The following NTM variants were observed in gnomAD, a reference collection of about 807,000 sequenced individuals.
NTM encodes neurotrimin, also known as IgLON family member 2.
In NTM, 13 loss-of-function variants were observed where a neutral mutation model predicts 42.1. The observed-to-expected ratio is 0.31, with a 90% CI of 0.20 to 0.49. NTM has a LOEUF of 0.49. NTM is among the 20% of genes least tolerant of loss of function. The pLI is 0.99. For missense variants in NTM, 373 were observed against 452.8 expected, an observed-to-expected ratio of 0.82 and a Z score of 1.60; for synonymous variants, 187 against 179.2, an observed-to-expected ratio of 1.04 and a Z score of -0.35.
intron 1 of NTM, among the ~76,000 whole-genome samples, chr11:131,873,640 T>TATATATATACACACATATATATACAC (rs1565658157): frequency 1.6e-4 from 20 of 121,412 alleles, no homozygotes; most frequent in African/African-American, 6.3e-4. Context: ...TATATACACA[T>TATATATATACACACATATATATACAC]ATATATATAC....
chr11:131,789,479 A>T lies in NTM; in HGVS notation c.83-122085A>T, dbSNP rs1326092471. ...GAAGAAGAAGAAGAAGAAGAAGAAGAAGAAGAAGAAGAGGAAAGAAGAAGA... is the reference window on the plus strand; with the variant it reads ...GAAGAAGAAGAAGAAGAAGAAGAAGTAGAAGAAGAAGAGGAAAGAAGAAGA... On this transcript the variant is annotated intron_variant, in intron 1 of 8. Transcript: ENST00000683400. Among the ~76,000 whole-genome samples the T allele has an allele frequency of 1.7e-4, 2 of 12,032 alleles. 1 individual carries two copies. Among genetic ancestry groups the T allele is most frequent in the African/African-American group, 6.1e-4 (2 of 3,298 alleles). The allele number at this position is 12,032 out of a possible 152,430, so 7.9% of individuals were successfully genotyped here. A position where few individuals can be genotyped will look rare whatever the true frequency, so the allele number is the denominator to read the frequency against.
chr11:132,104,609 G>GTAA (rs147673814), intron 2 of NTM, among the ~76,000 whole-genome samples: 99,466 of 145,924 alleles, frequency 0.68, 34,460 homozygotes, highest in Middle Eastern at 0.75. Context: ...ATAACTAATA[G>GTAA]TAATAATCAT....
chr11:132,114,390 G>A (rs373568579), intron 2 of NTM, among the ~76,000 whole-genome samples: 1 of 152,170 alleles, frequency 6.6e-6, no homozygotes, highest in East Asian at 1.9e-4. Flanking sequence ...CCACGAGAGG[G>A]CAATGCAGGG....
intron 2 of NTM, among the ~76,000 whole-genome samples, chr11:131,963,616 T>G (rs548062217): frequency 6.6e-6 from 1 of 152,212 alleles, no homozygotes; most frequent in African/African-American, 2.4e-5. Context: ...TCTACTCCTA[T>G]GTTGAGAGCA....
intron 8 of NTM, 60 bp from the exon 9 acceptor site, chr11:132,334,986 C>A: frequency 6.3e-7 from 1 of 1,585,982 alleles, no homozygotes; most frequent in Non-Finnish European, 8.6e-7. Flanking sequence ...ACCAGGCAAC[C>A]ACCGGGCTTT....
chr11:131,393,460 A>G lies in NTM; in HGVS notation c.82+22572A>G, dbSNP rs111576149. Among the ~76,000 whole-genome samples the G allele has an allele frequency of 7.8e-3, 1,184 of 152,306 alleles. 15 individuals carry two copies. Among genetic ancestry groups the G allele is most frequent in the African/African-American group, 0.027 (1,127 of 41,570 alleles). ...CCAGGATTGCCACCTAGGCCTGGAT[A>G]AAGATGACTTGCAGAAGCCACACGA... On this transcript the variant is annotated intron_variant, in intron 1 of 8. Transcript: ENST00000683400.
chr11:131,555,149 G>A (rs2055233642), intron 1 of NTM, among the ~76,000 whole-genome samples: 2 of 152,248 alleles, frequency 1.3e-5, no homozygotes, highest in African/African-American at 2.4e-5. Context: ...GCAGTGGAGT[G>A]AGACCCAGTC....
intron 1 of NTM, among the ~76,000 whole-genome samples, chr11:131,789,637 AAG>A (rs1294820891): frequency 2.5e-4 from 6 of 24,396 alleles, no homozygotes; most frequent in Admixed American, 1.1e-3. Flanking sequence ...AGAAGAAGAA[AAG>A]AAGAAGAAGA....
At chr11:131,905,172 C>A (rs931391305) in intron 1 of NTM, among the ~76,000 whole-genome samples, 3 of 152,166 alleles carry the variant, frequency 2.0e-5, no homozygotes, top group Non-Finnish European at 4.4e-5. Flanking sequence ...GCAGTAGGTA[C>A]CATGAGGACC....
At chr11:131,826,253 C>T (rs1565600221) in intron 1 of NTM, among the ~76,000 whole-genome samples, 1 of 151,986 alleles carries the variant, frequency 6.6e-6, no homozygotes, top group Non-Finnish European at 1.5e-5. Context: ...GAGTTGCCCA[C>T]TAGATTCCAT....
At chr11:132,321,850 C>A in intron 7 of NTM, among the ~76,000 whole-genome samples, 3 of 147,874 alleles carry the variant, frequency 2.0e-5, no homozygotes, top group African/African-American at 5.1e-5. Flanking sequence ...CCCTACAAGC[C>A]AGAAGAGAGT....
intron 2 of NTM, among the ~76,000 whole-genome samples, chr11:132,001,460 T>C (rs1367974354): frequency 2.0e-5 from 3 of 152,190 alleles, no homozygotes; most frequent in Non-Finnish European, 4.4e-5. Context: ...CTTCAGGCTG[T>C]ACAGGAAGCA....
Position 131,842,341 on chromosome 11 carries a change from A to G in NTM, c.83-69223A>G, listed in dbSNP as rs982511716. On this transcript the variant is annotated intron_variant, in intron 1 of 8. Transcript: ENST00000683400. ...GGTCTGAATGAGCTCCTATTAAAACATTTTGAGTTTACAGTGTTTGTGTTG... is the reference window on the plus strand; with the variant it reads ...GGTCTGAATGAGCTCCTATTAAAACGTTTTGAGTTTACAGTGTTTGTGTTG... Among the ~76,000 whole-genome samples the G allele has an allele frequency of 1.4e-4, 22 of 152,206 alleles. 1 individual carries two copies. The highest frequency in any genetic ancestry group is 5.3e-4 in the African/African-American group (22 of 41,454).
Position 131,966,296 on chromosome 11 carries a change from A to C in NTM, c.167+54648A>C, listed in dbSNP as rs1299146838. Among the ~76,000 whole-genome samples, 4 of 152,172 alleles carry C rather than the reference A, an allele frequency of 2.6e-5. No individual in the cohort carries two copies. The East Asian group carries it at 7.7e-4, about 29-fold the overall frequency. On this transcript the variant is annotated intron_variant, in intron 2 of 8. Coordinates refer to ENST00000683400, the MANE Select transcript of NTM (RefSeq NM_001352005.2). ...GGCACAGCTATGAATAGGCACTGCT[A>C]AAGGAGCCTAGGATACATCAGTGAA... is the stretch of plus-strand genomic sequence containing the variant.
At chr11:131,567,903 G>A (rs920678413) in intron 1 of NTM, among the ~76,000 whole-genome samples, 7 of 152,164 alleles carry the variant, frequency 4.6e-5, no homozygotes, top group Admixed American at 4.6e-4. Context: ...AGTGACAGAG[G>A]TGCAATCATA....
chr11:132,223,660 A>C (rs2085605602), intron 4 of NTM, among the ~76,000 whole-genome samples: 1 of 152,242 alleles, frequency 6.6e-6, no homozygotes, highest in South Asian at 2.1e-4. Flanking sequence ...TTGCCTCTCA[A>C]ATCATACACA....
At chr11:131,924,026 T>C (rs2057597463) in intron 2 of NTM, among the ~76,000 whole-genome samples, 2 of 152,218 alleles carry the variant, frequency 1.3e-5, no homozygotes, top group Admixed American at 1.3e-4. Flanking sequence ...TACTTGGTGT[T>C]AGCCTTACAT....
At position 132,321,158 on chromosome 11, in the gene NTM, T is replaced by G. The variant is rs932771975; in HGVS notation, c.934+6455T>G. On this transcript the variant is annotated intron_variant, in intron 7 of 8. Coordinates refer to ENST00000683400, the MANE Select transcript of NTM (RefSeq NM_001352005.2). Reference sequence around the variant, plus strand: ...AGGAATGCAGCTCCTCACCAGCAACTGAACAAAGCTGGACAGAGAATGACT... The same window carrying G: ...AGGAATGCAGCTCCTCACCAGCAACGGAACAAAGCTGGACAGAGAATGACT... 1.6e-4 allele frequency among the ~76,000 whole-genome samples: 25 copies of G among 152,252 alleles called. No homozygotes were observed. The East Asian group carries it at 1.7e-3, about 11-fold the overall frequency.
chr11:131,946,015 G>A (rs1348524165), intron 2 of NTM, among the ~76,000 whole-genome samples: 3 of 152,138 alleles, frequency 2.0e-5, no homozygotes, highest in Non-Finnish European at 4.4e-5. Flanking sequence ...TAATGAACTG[G>A]GGTTAGTTAC....
Sources: allele counts gnomAD v4.1 joint callset (sites outside exome capture counted in the v4.1 genomes callset), GRCh38; gene constraint gnomAD v4.1.1; transcripts MANE v1.5; gene names NCBI Gene and HGNC (gene_info 2026-07-23, HGNC 2026-07-21).